MIA2: variants seen among roughly 807,000 people sequenced by gnomAD.
The protein encoded by MIA2 is melanoma inhibitory activity protein 2.
In MIA2, 127 loss-of-function variants were observed where a neutral mutation model predicts 167.8. The observed-to-expected ratio is 0.76, with a 90% CI of 0.66 to 0.88. MIA2 has a LOEUF of 0.88. Ranked by LOEUF, MIA2 falls within the 40% of genes least tolerant of loss-of-function variation. The pLI is 0.00. For missense variants in MIA2, 1,690 were observed against 1,624.7 expected (o/e 1.04, Z -0.69); for synonymous variants, 552 against 541.9 (o/e 1.02, Z -0.26).
rs1029269260 is a variant in MIA2, at chr14:39,242,095, G to A, written c.336+1448G>A. 2.6e-5 allele frequency among the ~76,000 whole-genome samples: 4 copies of A among 152,208 alleles called. No homozygotes were observed. In the East Asian group the frequency reaches 5.8e-4, roughly 22 times the overall value. ...AGCAAAGGATATGTTTTAATATCTG[G>A]ATTGTGGTGATGGTAACACAAGTGT... On this transcript the variant is annotated intron_variant, in intron 3 of 28. Transcript: ENST00000640607.
At chr14:39,249,666 T>C (rs1217897861) in intron 4 of MIA2, among the ~76,000 whole-genome samples, 1 of 152,192 alleles carries the variant, frequency 6.6e-6, no homozygotes, top group Non-Finnish European at 1.5e-5. Flanking sequence ...GCAACTTCTA[T>C]GATTAAAAAC....
chr14:39,307,330 G>A (rs1266149657), intron 17 of MIA2, among the ~76,000 whole-genome samples: 1 of 150,932 alleles, frequency 6.6e-6, no homozygotes, highest in Non-Finnish European at 1.5e-5. Flanking sequence ...AAAATTAGAT[G>A]CTAGAATTAG....
intron 6 of MIA2, among the ~76,000 whole-genome samples, chr14:39,271,983 C>T (rs150666374): frequency 6.6e-6 from 1 of 152,072 alleles, no homozygotes; most frequent in African/African-American, 2.4e-5. Flanking sequence ...ATGGGGAGTG[C>T]ATGCTGATTG....
At chr14:39,308,016 A>G (rs1311619964) in intron 17 of MIA2, among the ~76,000 whole-genome samples, 1 of 152,210 alleles carries the variant, frequency 6.6e-6, no homozygotes, top group Non-Finnish European at 1.5e-5. Flanking sequence ...AACAATTTCT[A>G]ATGTTCTATA....
intron 18 of MIA2, among the ~76,000 whole-genome samples, chr14:39,312,554 A>G (rs1169703856): frequency 6.6e-6 from 1 of 152,220 alleles, no homozygotes; most frequent in Non-Finnish European, 1.5e-5. Context: ...GGTGTTCAAT[A>G]AATATTTCTT....
intron 6 of MIA2, among the ~76,000 whole-genome samples, chr14:39,264,362 G>T (rs960917108): frequency 1.3e-5 from 2 of 152,146 alleles, no homozygotes; most frequent in African/African-American, 4.8e-5. Context: ...GGCACCTAGG[G>T]TGAGTCCATG....
At chr14:39,303,750 C>A (rs1460017883) in intron 16 of MIA2, among the ~76,000 whole-genome samples, 1 of 152,056 alleles carries the variant, frequency 6.6e-6, no homozygotes, top group African/African-American at 2.4e-5. Flanking sequence ...GTTCTGTACT[C>A]ATTTTTCGGA....
chr14:39,246,691 C>T (rs2054328370), intron 3 of MIA2, among the ~76,000 whole-genome samples: 1 of 152,112 alleles, frequency 6.6e-6, no homozygotes, highest in Admixed American at 6.6e-5. Flanking sequence ...TCTCTAAAAA[C>T]AAACAAAGAA....
At chr14:39,262,590 A>G (rs1459773769) in intron 6 of MIA2, among the ~76,000 whole-genome samples, 2 of 152,192 alleles carry the variant, frequency 1.3e-5, no homozygotes, top group Admixed American at 6.5e-5. Flanking sequence ...CATTGAATCT[A>G]TAAATTACCT....
intron 6 of MIA2, among the ~76,000 whole-genome samples, chr14:39,275,139 T>TTGTGTGTG (rs67380839): frequency 0.013 from 1,699 of 126,702 alleles, 41 homozygotes; most frequent in African/African-American, 0.044. Context: ...CCTTAATCCT[T>TTGTGTGTG]TGTGTGTGTG....
At chr14:39,343,294 G>GCCAC (rs1337821396) in intron 25 of MIA2, among the ~76,000 whole-genome samples, 1 of 152,036 alleles carries the variant, frequency 6.6e-6, no homozygotes, top group Non-Finnish European at 1.5e-5. Flanking sequence ...GCAGGCCTGT[G>GCCAC]CCACCACACC....
intron 11 of MIA2, 50 bp downstream of exon 11, chr14:39,293,431 CT>C: frequency 1.7e-6 from 2 of 1,208,796 alleles, no homozygotes; most frequent in South Asian, 2.7e-5. Flanking sequence ...AGTTACTGAG[CT>C]TTAAAAAATT....
intron 27 of MIA2, 77 bp from the exon 28 acceptor site, chr14:39,348,666 C>G: frequency 6.4e-7 from 1 of 1,566,600 alleles, no homozygotes; most frequent in Non-Finnish European, 8.8e-7. Flanking sequence ...TAGATGATTT[C>G]TTCTAAGCCT....
intron 23 of MIA2, among the ~76,000 whole-genome samples, chr14:39,358,951 A>C (rs1457381578): frequency 6.6e-6 from 1 of 152,238 alleles, no homozygotes; most frequent in Non-Finnish European, 1.5e-5. Context: ...GTGAGGTGTC[A>C]GTCTGCCCCT....
intron 25 of MIA2, among the ~76,000 whole-genome samples, chr14:39,337,943 G>A (rs900111422): frequency 1.3e-5 from 2 of 151,972 alleles, no homozygotes; most frequent in Non-Finnish European, 2.9e-5. Context: ...GGCTGGTCTC[G>A]AACTTCTGAC....
Position 39,302,112 on chromosome 14 carries a change from C to T in MIA2, c.2620-17C>T, listed in dbSNP as rs2062612981. The T allele has an allele frequency of 6.2e-7, 1 of 1,609,614 alleles. No individual in the cohort carries two copies. Among genetic ancestry groups the T allele is most frequent in the Non-Finnish European group, 8.5e-7 (1 of 1,177,700 alleles). ...AGGCATTACCCTCTCTATTTTTCCCCTTTGTTCAATGTCAAGACTCTGACT... is the reference window on the plus strand; with the variant it reads ...AGGCATTACCCTCTCTATTTTTCCCTTTTGTTCAATGTCAAGACTCTGACT... On this transcript the variant is annotated splice_polypyrimidine_tract_variant and intron_variant, in intron 14 of 28. Transcript: ENST00000640607.
At chr14:39,266,881 T>C (rs2055790291) in intron 6 of MIA2, 2 of 737,012 alleles carry the variant, frequency 2.7e-6, no homozygotes, top group Non-Finnish European at 3.3e-6. Flanking sequence ...AGGAGAAGTC[T>C]CGCCGCCGCC....
chr14:39,332,268 C>T (rs2069086360), intron 25 of MIA2, among the ~76,000 whole-genome samples: 1 of 152,084 alleles, frequency 6.6e-6, no homozygotes, highest in African/African-American at 2.4e-5. Flanking sequence ...TCATGAAGTT[C>T]TCGTGTTGTG....
rs770608670 is a variant in MIA2, at chr14:39,234,250, T to G, written c.115+21T>G. 15 of 1,474,742 alleles carry G rather than the reference T, an allele frequency of 1.0e-5. No individual in the cohort carries two copies. The East Asian group carries it at 3.5e-4, about 34-fold the overall frequency. The allele number at this position is 1,474,742 out of a possible 1,614,324, so 91.4% of individuals were successfully genotyped here. On this transcript the variant is annotated intron_variant, in intron 1 of 28. Coordinates refer to ENST00000640607, the MANE Select transcript of MIA2 (RefSeq NM_001329214.4). The stretch of plus-strand genomic sequence containing the variant: ...TGAAGGTAAGTTTGCTTCCCCCGCT[T>G]CTTCTCCTCCTAAATTGAGGCTCTG...
Sources: allele counts gnomAD v4.1 joint callset (sites outside exome capture counted in the v4.1 genomes callset), GRCh38; gene constraint gnomAD v4.1.1; transcripts MANE v1.5; gene names NCBI Gene and HGNC (gene_info 2026-07-23, HGNC 2026-07-21).